Variants in MICU3 observed in about 807,000 individuals in gnomAD.
MICU3 encodes the protein mitochondrial calcium uptake 3, also known as calcium uptake protein 3, mitochondrial.
MICU3 carries 62 observed loss-of-function variants against 66.5 expected under a neutral mutation model. That is an observed-to-expected ratio of 0.93 (90% confidence interval 0.76 to 1.15). The LOEUF is 1.15. Ranked by LOEUF, MICU3 falls within the 50% of genes most tolerant of loss-of-function variation. MICU3 has a pLI of 0.00. For synonymous variants in MICU3, 308 were observed against 240.7 expected (o/e 1.28, Z -2.59); for missense variants, 779 against 664.4 (o/e 1.17, Z -1.90).
intron 9 of MICU3, among the ~76,000 whole-genome samples, chr8:17,103,337 CTG>C (rs1287143892): frequency 6.6e-6 from 1 of 151,908 alleles, no homozygotes; most frequent in Non-Finnish European, 1.5e-5. Flanking sequence ...CCACAGAAGA[CTG>C]ATCCTTTGTA....
chr8:17,027,270 G>A lies in MICU3; in HGVS notation c.-10G>A, dbSNP rs765405139. On this transcript the variant is annotated 5_prime_UTR_variant, in exon 1 of 15. Coordinates refer to ENST00000318063, the MANE Select transcript of MICU3 (RefSeq NM_181723.3). ...GCCCCCTCCCAGCTCTGGTGTGGGC[G>A]GCCTCCGCTATGGCTGCGCTGCGAA... 4.9e-6 allele frequency: 7 copies of A among 1,423,328 alleles called. No individual in the cohort carries two copies. Among genetic ancestry groups the A allele is most frequent in the Non-Finnish European group, 6.4e-6 (7 of 1,097,122 alleles). The allele number at this position is 1,423,328 out of a possible 1,614,324, so 88.2% of individuals were successfully genotyped here.
At chr8:17,116,319 G>T (rs953460969) in intron 12 of MICU3, 124 bp from the exon 13 acceptor site, 7 of 559,288 alleles carry the variant, frequency 1.3e-5, no homozygotes, top group Non-Finnish European at 2.0e-5. Context: ...ATTAATGGAA[G>T]GCCATGTTGC....
chr8:17,027,752 C>A lies in MICU3; in HGVS notation c.381+92C>A. The stretch of plus-strand genomic sequence containing the variant: ...CTGGAGGCTGTGGGGACGGTGCAAG[C>A]GCTGTGGCCGCGGGTGAGGAACTTC... On this transcript the variant is annotated intron_variant, in intron 1 of 14. Coordinates refer to ENST00000318063, the MANE Select transcript of MICU3 (RefSeq NM_181723.3). 1.6e-6 allele frequency: 2 copies of A among 1,233,722 alleles called. 1 individual carries two copies. The allele number at this position is 1,233,722 out of a possible 1,614,324, so 76.4% of individuals were successfully genotyped here. A position where few individuals can be genotyped will look rare whatever the true frequency, so the allele number is the denominator to read the frequency against.
At chr8:17,063,057 A>G (rs1431784214) in intron 1 of MICU3, among the ~76,000 whole-genome samples, 2 of 152,336 alleles carry the variant, frequency 1.3e-5, no homozygotes, top group African/African-American at 2.4e-5. Context: ...ACAGTTAACA[A>G]AAATGGTCTT....
At position 17,120,367 on chromosome 8, in the gene MICU3, T is replaced by A. The variant is rs1279091235; in HGVS notation, c.*80T>A. ...GCAACATTTTGAGAATGGAAGCAGG[T>A]CTGAGGTCAGAAGAAGTAGAGAATG... On this transcript the variant is annotated 3_prime_UTR_variant, in exon 15 of 15. Coordinates refer to ENST00000318063, the MANE Select transcript of MICU3 (RefSeq NM_181723.3). 6.6e-6 allele frequency: 1 copy of A among 152,072 alleles called. No homozygotes were observed. Among genetic ancestry groups the A allele is most frequent in the Non-Finnish European group, 1.5e-5 (1 of 67,984 alleles). 9.4% of individuals were successfully genotyped at this position (152,072 alleles called of 1,614,324 possible).
At chr8:17,042,931 ATTTTTTTTTTT>A (rs996846253) in intron 1 of MICU3, among the ~76,000 whole-genome samples, 65 of 82,156 alleles carry the variant, frequency 7.9e-4, no homozygotes, top group Middle Eastern at 7.1e-3. Context: ...ATTCAAAGTG[ATTTTTTTTTTT>A]TTTTTTTTTT....
chr8:17,066,543 A>AG (rs1554518402), intron 2 of MICU3, among the ~76,000 whole-genome samples: 64 of 104,892 alleles, frequency 6.1e-4, no homozygotes, highest in Middle Eastern at 6.2e-3. Context: ...ATATATATAG[A>AG]TTTTTTTTTT....
chr8:17,092,260 C>T (rs1446216196), intron 8 of MICU3, among the ~76,000 whole-genome samples: 2 of 151,936 alleles, frequency 1.3e-5, no homozygotes, highest in East Asian at 3.9e-4. Flanking sequence ...CCCTTAATCT[C>T]ATAAGCAGTT....
intron 11 of MICU3, among the ~76,000 whole-genome samples, chr8:17,109,790 A>G (rs1585543550): frequency 6.6e-6 from 1 of 152,190 alleles, no homozygotes; most frequent in Non-Finnish European, 1.5e-5. Flanking sequence ...CTTATCTAGG[A>G]GATAATGTAG....
chr8:17,078,265 A>G (rs937342985), intron 4 of MICU3, among the ~76,000 whole-genome samples: 1 of 152,060 alleles, frequency 6.6e-6, no homozygotes, highest in African/African-American at 2.4e-5. Context: ...TGAATTATAG[A>G]TGCTCCTAAA....
At chr8:17,124,545 G>A (rs904484710), downstream of MICU3, among the ~76,000 whole-genome samples, 2 of 151,942 alleles carry the variant, frequency 1.3e-5, no homozygotes, top group African/African-American at 4.8e-5. Flanking sequence ...GCCCAGAGGT[G>A]TTATTCTAGG....
chr8:17,087,024 C>A lies in MICU3; in HGVS notation c.838C>A (p.Arg280Ser). Residue 280 changes from arginine to serine, a missense_variant, in exon 7 of 15, where the codon CGT (arginine) becomes AGT (serine). Arg to Ser is a moderately radical substitution (Grantham distance 110). Transcript: ENST00000318063. ...KREIKGDEEK[R>S]AMLRLQLYGY... ...AGAAATTAAAGGAGATGAAGAAAAGCGTGCAATGCTGGTAAGAATACTTTA... is the reference window on the plus strand; with the variant it reads ...AGAAATTAAAGGAGATGAAGAAAAGAGTGCAATGCTGGTAAGAATACTTTA... 1.2e-6 allele frequency: 2 copies of A among 1,603,758 alleles called. No homozygotes were observed. The highest frequency in any genetic ancestry group is 1.7e-6 in the Non-Finnish European group (2 of 1,171,978).
intron 10 of MICU3, among the ~76,000 whole-genome samples, chr8:17,104,994 CAAA>C (rs746149322): frequency 5.4e-3 from 47 of 8,702 alleles, no homozygotes; most frequent in Non-Finnish European, 6.3e-3. Context: ...GACTCCGTCT[CAAA>C]AAAAAAAAAA....
chr8:17,117,904 C>T (rs1052846837), intron 13 of MICU3, among the ~76,000 whole-genome samples: 2 of 152,164 alleles, frequency 1.3e-5, no homozygotes, highest in Non-Finnish European at 2.9e-5. Context: ...CCACCGTACC[C>T]GGCCAGTATT....
intron 3 of MICU3, among the ~76,000 whole-genome samples, chr8:17,072,656 T>C (rs1326816149): frequency 6.6e-6 from 1 of 152,066 alleles, no homozygotes; most frequent in African/African-American, 2.4e-5. Flanking sequence ...TTTTTATCTT[T>C]GTAAAAAAGA....
chr8:17,131,613 G>A, the MICU3 span: 1 of 152,354 alleles, frequency 6.6e-6, no homozygotes, highest in Non-Finnish European at 1.5e-5. Context: ...TACCATCTGG[G>A]AAATCCCGGA....
chr8:17,047,823 G>C (rs986410101), intron 1 of MICU3, among the ~76,000 whole-genome samples: 2 of 152,086 alleles, frequency 1.3e-5, no homozygotes, highest in African/African-American at 4.8e-5. Flanking sequence ...GTGCATATCA[G>C]GAAGAAATGA....
chr8:17,117,310 T>C (rs1429955400), intron 13 of MICU3, among the ~76,000 whole-genome samples: 2 of 152,166 alleles, frequency 1.3e-5, no homozygotes, highest in African/African-American at 4.8e-5. Flanking sequence ...ACAGATTTCC[T>C]CTAGGTAACT....
At chr8:17,079,273 A>C (rs1820831003) in intron 4 of MICU3, among the ~76,000 whole-genome samples, 2 of 152,142 alleles carry the variant, frequency 1.3e-5, no homozygotes, top group African/African-American at 2.4e-5. Context: ...AAATGTGTCT[A>C]GCGTAACTGA....
Sources: gnomAD v4.1 joint callset for allele counts (sites outside exome capture counted in the v4.1 genomes callset) on GRCh38, gnomAD v4.1.1 for gene constraint, MANE v1.5 for transcripts, NCBI Gene and HGNC (gene_info 2026-07-23, HGNC 2026-07-21) for gene names.